PIEZO2: variants seen among roughly 807,000 people sequenced by gnomAD.
PIEZO2 encodes the protein piezo type mechanosensitive ion channel component 2.
PIEZO2 carries 172 observed loss-of-function variants against 337.3 expected under a neutral mutation model. That is an observed-to-expected ratio of 0.51 (90% confidence interval 0.45 to 0.58). The LOEUF is 0.58. Among genes scored for constraint, PIEZO2 ranks in the 20% least tolerant of loss-of-function variants. The probability of loss-of-function intolerance (pLI) is 0.00; values close to 1 mark genes in which losing one functional copy is unlikely to be tolerated. For missense variants in PIEZO2, 3,028 were observed against 3,391.3 expected, an observed-to-expected ratio of 0.89 and a Z score of 2.66; for synonymous variants, 1,251 against 1,228.5, an observed-to-expected ratio of 1.02 and a Z score of -0.38.
Position 10,762,971 on chromosome 18 carries a change from TACA to T in PIEZO2, c.3071_3073del (p.Leu1024del), listed in dbSNP as rs1269205674. 2 of 1,537,272 alleles carry T rather than the reference TACA, an allele frequency of 1.3e-6. No homozygotes were observed. The highest frequency in any genetic ancestry group is 8.7e-7 in the Non-Finnish European group (1 of 1,146,922). On this transcript the variant is annotated inframe_deletion, in exon 22 of 56. Coordinates refer to ENST00000674853, the MANE Select transcript of PIEZO2 (RefSeq NM_001378183.1). ...CTCAGGCTTAATGGTTTGGAGCTGG[TACA>T]ACATTTTGCAGACGATGATCACACA...
rs771094401 is a variant in PIEZO2 at position 10,682,357 on chromosome 18, T to C, written c.7498-65A>G. The C allele has an allele frequency of 1.9e-5, 26 of 1,390,518 alleles. No homozygotes were observed. Among genetic ancestry groups the C allele is most frequent in the African/African-American group, 1.0e-4 (7 of 69,694 alleles). The allele number at this position is 1,390,518 out of a possible 1,614,324, so 86.1% of individuals were successfully genotyped here. On this transcript the variant is annotated intron_variant, in intron 49 of 55. Coordinates refer to ENST00000674853, the MANE Select transcript of PIEZO2 (RefSeq NM_001378183.1). The surrounding 1 kb of genome is among the most constrained non-coding windows in gnomAD (Gnocchi z 5.6). Reference sequence around the variant, plus strand: ...AGGTGCTTTCCCGCAGGCAGCGGGATTGGGGGAGAGCGAGTGCTCTTCCTG... The same window carrying C: ...AGGTGCTTTCCCGCAGGCAGCGGGACTGGGGGAGAGCGAGTGCTCTTCCTG...
chr18:10,681,753 G>T lies in PIEZO2; in HGVS notation c.7687C>A (p.Pro2563Thr), dbSNP rs1407743782. 1.7e-5 allele frequency: 27 copies of T among 1,602,956 alleles called. No individual in the cohort carries two copies. Among genetic ancestry groups the T allele is most frequent in the South Asian group, 7.7e-5 (7 of 90,756 alleles). The change falls in exon 51 of 56, where the codon CCT becomes ACT. Residue 2563 changes from proline (P) to threonine (T), a missense_variant and splice_region_variant. Pro to Thr is a conservative substitution (Grantham distance 38, BLOSUM62 -1). Around this residue, in one of 5 missense-constraint regions of PIEZO2, gnomAD observed 332 missense variants for 363.8 expected, o/e 0.91. Coordinates refer to ENST00000674853, the MANE Select transcript of PIEZO2 (RefSeq NM_001378183.1). Reference sequence around the variant, plus strand: ...TGTTGGGCACTCATTGTGAAAATAGGCTGGAAAACAAAGAGAACAGTGTTG... The same window carrying T: ...TGTTGGGCACTCATTGTGAAAATAGTCTGGAAAACAAAGAGAACAGTGTTG... ...SVTITLGGYQ[P>T]IFTMSAQQSQ... is the part of the protein sequence containing the mutation.
chr18:11,016,189 C>T lies in PIEZO2; in HGVS notation c.161-36529G>A, dbSNP rs182368787. Among the ~76,000 whole-genome samples, 2 of 152,228 alleles carry T rather than the reference C, an allele frequency of 1.3e-5. No individual in the cohort carries two copies. Among genetic ancestry groups the T allele is most frequent in the East Asian group, 3.9e-4 (2 of 5,172 alleles). On this transcript the variant is annotated intron_variant, in intron 2 of 55. Transcript: ENST00000674853. This position sits in a 1 kb window ranked among gnomAD's most constrained non-coding sequence, Gnocchi z 5.6. Reference sequence around the variant, plus strand: ...TGTGGGTAAGAGGGAAGGAAATGAGCCCTTTGACATTCACTCTCTTTGAAA... The same window carrying T: ...TGTGGGTAAGAGGGAAGGAAATGAGTCCTTTGACATTCACTCTCTTTGAAA...
chr18:10,699,239 G>A, intron 43 of PIEZO2, 62 bp from the exon 44 acceptor site: 1 of 1,522,256 alleles, frequency 6.6e-7, no homozygotes, highest in Admixed American at 2.1e-5. Context: ...TTGGTATTCT[G>A]TCTTACAAAA....
chr18:11,061,934 A>G (rs2037976133), intron 2 of PIEZO2, among the ~76,000 whole-genome samples: 1 of 152,250 alleles, frequency 6.6e-6, no homozygotes, highest in African/African-American at 2.4e-5. Flanking sequence ...GAACCAAAAA[A>G]GAGCCCGCAT....
chr18:10,674,496 G>T (rs1289146980), intron 54 of PIEZO2, among the ~76,000 whole-genome samples: 1 of 152,220 alleles, frequency 6.6e-6, no homozygotes, highest in Non-Finnish European at 1.5e-5. Context: ...CCTCTACTAG[G>T]CCAATCTCTG....
chr18:10,869,766 A>C lies in PIEZO2; in HGVS notation c.492+1487T>G, dbSNP rs576557438. On this transcript the variant is annotated intron_variant, in intron 5 of 55. Coordinates refer to ENST00000674853, the MANE Select transcript of PIEZO2 (RefSeq NM_001378183.1). ...ATGTAAGTGGTTAGTAGTGACTTTG[A>C]CTTTACTATAATTACTGTTACACCA... Among the ~76,000 whole-genome samples, 19 of 152,344 alleles carry C rather than the reference A, an allele frequency of 1.2e-4. No homozygotes were observed. The South Asian group carries it at 3.7e-3, about 30-fold the overall frequency.
rs931231137 is a variant in PIEZO2 at position 10,682,401 on chromosome 18, T to A, written c.7498-109A>T. 4.0e-6 allele frequency: 4 copies of A among 990,982 alleles called. No individual in the cohort carries two copies. Among genetic ancestry groups the A allele is most frequent in the Admixed American group, 2.8e-5 (1 of 36,040 alleles). The allele number at this position is 990,982 out of a possible 1,614,324, so 61.4% of individuals were successfully genotyped here. ...CTTCCTGTGGTGCTGGGAACATGGA[T>A]TTGGCCCTGAATCTTCTCTGTTCGC... On this transcript the variant is annotated intron_variant, in intron 49 of 55. Transcript: ENST00000674853. The surrounding 1 kb of genome is among the most constrained non-coding windows in gnomAD (Gnocchi z 5.6).
chr18:10,999,073 C>T (rs1472523349), intron 2 of PIEZO2, among the ~76,000 whole-genome samples: 1 of 150,868 alleles, frequency 6.6e-6, no homozygotes, highest in Non-Finnish European at 1.5e-5. Flanking sequence ...TGGAGTGTGC[C>T]AATTTTTGTA....
At position 10,726,609 on chromosome 18, in the gene PIEZO2, GGACGCCGAC is replaced by G; in HGVS notation, c.5029+4789_5029+4797del. On this transcript the variant is annotated intron_variant, in intron 36 of 55. Transcript: ENST00000674853. This position sits in a 1 kb window ranked among gnomAD's most constrained non-coding sequence, Gnocchi z 5.9. ...TCCAGGACCTGGCGCGCTACGTGCG[GGACGCCGAC>G]GTGCGCTGGGAGTACTGCGCGCGCG... 2 of 713,228 alleles carry G rather than the reference GGACGCCGAC, an allele frequency of 2.8e-6. No individual in the cohort carries two copies. The highest frequency in any genetic ancestry group is 2.1e-4 in the East Asian group (1 of 4,726). 44.2% of individuals were successfully genotyped at this position (713,228 alleles called of 1,614,324 possible). A position where few individuals can be genotyped will look rare whatever the true frequency, so the allele number is the denominator to read the frequency against.
Position 11,127,136 on chromosome 18 carries a change from G to A in PIEZO2, c.64+21389C>T, listed in dbSNP as rs1273923826. On this transcript the variant is annotated intron_variant, in intron 1 of 55. Transcript: ENST00000674853. This position sits in a 1 kb window ranked among gnomAD's most constrained non-coding sequence, Gnocchi z 4.5. ...AAAGAATTGAGACAGAGTAAGTCCT[G>A]TGGAGATAATGACAGAAGTGTGTTG... 2.6e-5 allele frequency among the ~76,000 whole-genome samples: 4 copies of A among 152,198 alleles called. No individual in the cohort carries two copies. Among genetic ancestry groups the A allele is most frequent in the Non-Finnish European group, 5.9e-5 (4 of 68,028 alleles).
At position 10,736,703 on chromosome 18, in the gene PIEZO2, C is replaced by T. The variant is rs537749745; in HGVS notation, c.4716G>A (p.Arg1572=). Residue 1572 remains arginine, a synonymous_variant, in exon 34 of 56, where the codon AGG becomes AGA. Coordinates refer to ENST00000674853, the MANE Select transcript of PIEZO2 (RefSeq NM_001378183.1). ...RPWVDHASMV[R]SGDYYLFETD... is the part of the protein sequence containing the mutation. The stretch of plus-strand genomic sequence containing the variant: ...TTTCAAACAAATAATAATCTCCACT[C>T]CTGACCACTAAGCAAAACAAAATAT... 5.2e-6 allele frequency: 8 copies of T among 1,536,386 alleles called. No individual in the cohort carries two copies. In the South Asian group the frequency reaches 9.5e-5, roughly 18 times the overall value.
chr18:10,725,478 C>T (rs1323900456), intron 36 of PIEZO2: 6 of 1,522,276 alleles, frequency 3.9e-6, no homozygotes, highest in Middle Eastern at 2.4e-4. Context: ...TGTGGGTATC[C>T]GGGTGGATGG....
intron 31 of PIEZO2, among the ~76,000 whole-genome samples, chr18:10,742,997 G>A (rs2037285834): frequency 6.6e-6 from 1 of 151,928 alleles, no homozygotes; most frequent in South Asian, 2.1e-4. Context: ...CCCAAGTTTT[G>A]GATTCTTAAA....
chr18:10,848,205 A>G (rs2041423735), intron 7 of PIEZO2, among the ~76,000 whole-genome samples: 1 of 152,234 alleles, frequency 6.6e-6, no homozygotes, highest in Non-Finnish European at 1.5e-5. Context: ...TTCATTTTCT[A>G]GATGACCCCA....
intron 4 of PIEZO2, among the ~76,000 whole-genome samples, chr18:10,900,802 C>T (rs534804583): frequency 3.3e-5 from 5 of 152,274 alleles, no homozygotes; most frequent in African/African-American, 7.2e-5. Flanking sequence ...CTTCTGCCTC[C>T]ACACATGCGC....
intron 3 of PIEZO2, among the ~76,000 whole-genome samples, chr18:10,932,848 T>G (rs2032170830): frequency 6.6e-6 from 1 of 151,768 alleles, no homozygotes; most frequent in African/African-American, 2.4e-5. Flanking sequence ...CACTTGAGCC[T>G]AGGAGATCGA....
chr18:10,934,767 C>G (rs1417659879), intron 3 of PIEZO2, among the ~76,000 whole-genome samples: 1 of 151,898 alleles, frequency 6.6e-6, no homozygotes, highest in African/African-American at 2.4e-5. Context: ...TTGTTCTTCA[C>G]TCCTCTTGAG....
chr18:11,093,285 C>CT (rs1403481980), intron 1 of PIEZO2, among the ~76,000 whole-genome samples: 9 of 152,218 alleles, frequency 5.9e-5, no homozygotes, highest in Admixed American at 6.5e-5. Flanking sequence ...CAACACCCTA[C>CT]ATGGCAAACC....
Sources: allele counts gnomAD v4.1 joint callset (sites outside exome capture counted in the v4.1 genomes callset), GRCh38; gene constraint gnomAD v4.1.1; regional missense constraint gnomAD v4.1.1; non-coding constraint Gnocchi (gnomAD v3.1); transcripts MANE v1.5; gene names NCBI Gene and HGNC (gene_info 2026-07-23, HGNC 2026-07-21).